C4orf51: variants seen among roughly 807,000 people sequenced by gnomAD.
C4orf51 encodes chromosome 4 open reading frame 51, also known as uncharacterized protein C4orf51.
A neutral mutation model predicts 25.2 loss-of-function variants in C4orf51; 25 were observed. The ratio of observed to expected loss-of-function variants is 0.99; its 90% CI spans 0.72 to 1.39. The LOEUF is 1.39. C4orf51 is among the 40% of genes most tolerant of loss of function. C4orf51 has a pLI of 0.00. For missense variants in C4orf51, 252 were observed against 239.6 expected, an observed-to-expected ratio of 1.05 and a Z score of -0.34; for synonymous variants, 100 against 84.5, an observed-to-expected ratio of 1.18 and a Z score of -1.01.
intron 2 of C4orf51, among the ~76,000 whole-genome samples, chr4:145,721,132 G>A (rs572421218): frequency 6.6e-6 from 1 of 152,056 alleles, no homozygotes; most frequent in South Asian, 2.1e-4. Context: ...GGATCACAAG[G>A]TCAGGAGTTT....
Position 145,768,858 on chromosome 4 carries a change from C to CAAAAAAA in C4orf51, n.167-2103_167-2097dup, listed in dbSNP as rs1174930111. ...TGGGTGACAGAGCAAGACTCCGTCT[C>CAAAAAAA]AAAAAAAAAAAAAAAAAAAAAAAAA... is the stretch of plus-strand genomic sequence containing the variant. On this transcript the variant is annotated intron_variant and non_coding_transcript_variant, in intron 1 of 1. Transcript: ENST00000510096. Among the ~76,000 whole-genome samples the CAAAAAAA allele has an allele frequency of 1.5e-3, 7 of 4,534 alleles. 1 individual carries two copies. The highest frequency in any genetic ancestry group is 1.7e-3 in the African/African-American group (3 of 1,812). The allele number at this position is 4,534 out of a possible 152,430, so 3.0% of individuals were successfully genotyped here. A position where few individuals can be genotyped will look rare whatever the true frequency, so the allele number is the denominator to read the frequency against.
At chr4:145,783,366 G>A in the C4orf51 span, among the ~76,000 whole-genome samples, 1 of 152,230 alleles carries the variant, frequency 6.6e-6, no homozygotes, top group South Asian at 2.1e-4. Flanking sequence ...GGCCAATTCA[G>A]AATGAAAAAT....
At chr4:145,747,232 T>C (rs940482079) in intron 1 of C4orf51, among the ~76,000 whole-genome samples, 9 of 152,168 alleles carry the variant, frequency 5.9e-5, no homozygotes, top group Non-Finnish European at 1.2e-4. Flanking sequence ...CAGTACTATG[T>C]TGAATAACAG....
Position 145,761,589 on chromosome 4 carries a change from G to A in C4orf51, n.167-9399G>A, listed in dbSNP as rs1202956981. 36 of 1,262,898 alleles carry A rather than the reference G, an allele frequency of 2.9e-5. No homozygotes were observed. The highest frequency in any genetic ancestry group is 3.6e-5 in the Non-Finnish European group (35 of 971,130). The allele number at this position is 1,262,898 out of a possible 1,614,324, so 78.2% of individuals were successfully genotyped here. ...CGGGGCGGTTGGTGGAATAAATGCAGAATGGGCACCTGCCGGGGAAAGCAA... is the reference window on the plus strand; with the variant it reads ...CGGGGCGGTTGGTGGAATAAATGCAAAATGGGCACCTGCCGGGGAAAGCAA... On this transcript the variant is annotated intron_variant and non_coding_transcript_variant, in intron 1 of 1. Coordinates refer to the C4orf51 transcript ENST00000510096. This position sits in a 1 kb window ranked among gnomAD's most constrained non-coding sequence, Gnocchi z 6.8.
At chr4:145,781,643 G>T in the C4orf51 span, among the ~76,000 whole-genome samples, 2 of 151,858 alleles carry the variant, frequency 1.3e-5, no homozygotes, top group African/African-American at 4.8e-5. Flanking sequence ...GTGAAGAGAA[G>T]TAAAAAAAAA....
intron 2 of C4orf51, among the ~76,000 whole-genome samples, chr4:145,725,400 A>G (rs531799291): frequency 1.8e-4 from 27 of 152,184 alleles, no homozygotes; most frequent in Non-Finnish European, 3.5e-4. Flanking sequence ...GGTTAAACAA[A>G]AATTAATAGC....
chr4:145,680,583 G>A lies in C4orf51; in HGVS notation c.233+147G>A, dbSNP rs182019138. The A allele has an allele frequency of 9.5e-6, 6 of 630,938 alleles. No individual in the cohort carries two copies. The East Asian group carries it at 1.4e-4, about 15-fold the overall frequency. 39.1% of individuals were successfully genotyped at this position (630,938 alleles called of 1,614,324 possible). A position where few individuals can be genotyped will look rare whatever the true frequency, so the allele number is the denominator to read the frequency against. On this transcript the variant is annotated intron_variant, in intron 1 of 5. Coordinates refer to ENST00000438731, the MANE Select transcript of C4orf51 (RefSeq NM_001080531.3). Reference sequence around the variant, plus strand: ...TTTGTAAATGTCAGCAGGAAGAAGAGCTAAATGTCAGTGACCAGCTGAAAT... The same window carrying A: ...TTTGTAAATGTCAGCAGGAAGAAGAACTAAATGTCAGTGACCAGCTGAAAT...
chr4:145,701,852 C>T (rs956693551), intron 2 of C4orf51, among the ~76,000 whole-genome samples: 1 of 152,022 alleles, frequency 6.6e-6, no homozygotes, highest in Non-Finnish European at 1.5e-5. Context: ...CATTATTAGG[C>T]CGAGATATTT....
chr4:145,713,479 A>G (rs938460729), intron 2 of C4orf51, among the ~76,000 whole-genome samples: 1 of 152,200 alleles, frequency 6.6e-6, no homozygotes, highest in African/African-American at 2.4e-5. Context: ...TATGTGTAAG[A>G]TGGGATAGAA....
intron 1 of C4orf51, among the ~76,000 whole-genome samples, chr4:145,770,018 C>A (rs1428487775): frequency 6.6e-6 from 1 of 152,176 alleles, no homozygotes; most frequent in Admixed American, 6.5e-5. Context: ...TAGATCCAGG[C>A]TGGGTGCCGT....
At chr4:145,757,620 A>G (rs889310179), downstream of C4orf51, 2 of 151,900 alleles carry the variant, frequency 1.3e-5, no homozygotes, top group Admixed American at 6.5e-5. Context: ...AGAAAAAGAA[A>G]CAAGAGTATA....
At chr4:145,697,047 A>ATC (rs35877665) in intron 2 of C4orf51, among the ~76,000 whole-genome samples, 1 of 149,936 alleles carries the variant, frequency 6.7e-6, no homozygotes, top group Admixed American at 6.6e-5. Flanking sequence ...AAACAAAACA[A>ATC]AACCAACCAA....
intron 2 of C4orf51, among the ~76,000 whole-genome samples, chr4:145,701,605 A>T (rs896428453): frequency 1.3e-5 from 2 of 151,540 alleles, no homozygotes; most frequent in African/African-American, 4.9e-5. Context: ...ACCATCACGG[A>T]TGCCGAGCTT....
chr4:145,732,961 G>T (rs576721466), downstream of C4orf51, among the ~76,000 whole-genome samples: 3 of 152,296 alleles, frequency 2.0e-5, no homozygotes, highest in Admixed American at 6.5e-5. Flanking sequence ...ACCCAGCAGA[G>T]CCGGAGCCTT....
the C4orf51 span, among the ~76,000 whole-genome samples, chr4:145,776,284 C>A: frequency 5.3e-5 from 8 of 151,852 alleles, no homozygotes; most frequent in African/African-American, 1.9e-4. Context: ...CAGCGAGACT[C>A]CATCTCTACA....
At chr4:145,699,390 C>T (rs905168308) in intron 2 of C4orf51, among the ~76,000 whole-genome samples, 2 of 150,144 alleles carry the variant, frequency 1.3e-5, no homozygotes, top group African/African-American at 4.9e-5. Flanking sequence ...ACCGACCAGC[C>T]CAAGAAACAT....
the C4orf51 span, among the ~76,000 whole-genome samples, chr4:145,779,769 A>C: frequency 6.6e-6 from 1 of 152,212 alleles, no homozygotes; most frequent in African/African-American, 2.4e-5. Flanking sequence ...CCAGCCAACT[A>C]ACCCTCTAGT....
At chr4:145,779,589 A>T in the C4orf51 span, 1 of 1,547,258 alleles carries the variant, frequency 6.5e-7, no homozygotes, top group East Asian at 2.3e-5. Context: ...TCAGGATTTC[A>T]GCAGAGCCTT....
downstream of C4orf51, among the ~76,000 whole-genome samples, chr4:145,772,014 G>C (rs62345781): frequency 0.013 from 1,923 of 152,280 alleles, 15 homozygotes; most frequent in Middle Eastern, 0.034. Flanking sequence ...TACTACTTAT[G>C]GTACCATAGG....
Sources: allele counts gnomAD v4.1 joint callset (sites outside exome capture counted in the v4.1 genomes callset), GRCh38; gene constraint gnomAD v4.1.1; non-coding constraint Gnocchi (gnomAD v3.1); transcripts MANE v1.5; gene names NCBI Gene and HGNC (gene_info 2026-07-23, HGNC 2026-07-21).